MAGOHB: variants seen among roughly 807,000 people sequenced by gnomAD.
MAGOHB encodes protein mago nashi homolog 2.
A neutral mutation model predicts 20.9 loss-of-function variants in MAGOHB; 15 were observed. That is an observed-to-expected ratio of 0.72 (90% CI 0.48 to 1.11). MAGOHB has a LOEUF of 1.11. Among genes scored for constraint, MAGOHB ranks in the 50% least tolerant of loss-of-function variants. The pLI is 0.00. For synonymous variants in MAGOHB, 50 were observed against 57.9 expected (o/e 0.86, Z 0.62); for missense variants, 162 against 177.6 (o/e 0.91, Z 0.50).
downstream of MAGOHB, among the ~76,000 whole-genome samples, chr12:10,603,672 G>A (rs1008643133): frequency 3.9e-5 from 6 of 152,176 alleles, no homozygotes; most frequent in Admixed American, 3.3e-4. Context: ...ATTAGGACAA[G>A]GTAGATGCCA....
At chr12:10,602,575 G>C (rs1865563434), downstream of MAGOHB, among the ~76,000 whole-genome samples, 2 of 152,192 alleles carry the variant, frequency 1.3e-5, no homozygotes, top group Admixed American at 1.3e-4. Flanking sequence ...ATCACATCCA[G>C]TTAATAAAAC....
Position 10,611,747 on chromosome 12 carries a change from CAAAAAAAAAAAAAAAA to C in MAGOHB, c.95-1083_95-1068del, listed in dbSNP as rs1042294332. 3.6e-4 allele frequency among the ~76,000 whole-genome samples: 10 copies of C among 27,696 alleles called. No individual in the cohort carries two copies. In the Admixed American group the frequency reaches 4.2e-3, roughly 12 times the overall value. The allele number at this position is 27,696 out of a possible 152,430, so 18.2% of individuals were successfully genotyped here. A position where few individuals can be genotyped will look rare whatever the true frequency, so the allele number is the denominator to read the frequency against. The stretch of plus-strand genomic sequence containing the variant: ...TGGACGACAGAGCAAGACTCTGTCT[CAAAAAAAAAAAAAAAA>C]AAAAAAAAAAAAGAAAAGAAACGCG... On this transcript the variant is annotated intron_variant, in intron 1 of 4. Coordinates refer to ENST00000320756, the MANE Select transcript of MAGOHB (RefSeq NM_018048.5).
chr12:10,601,256 T>A (rs1277590051), downstream of MAGOHB, among the ~76,000 whole-genome samples: 2 of 146,538 alleles, frequency 1.4e-5, no homozygotes, highest in African/African-American at 5.1e-5. Flanking sequence ...CTTGTGCATA[T>A]AACCATATTA....
chr12:10,613,421 C>A lies in MAGOHB; in HGVS notation c.94+18G>T, dbSNP rs762585965. 2.5e-6 allele frequency: 4 copies of A among 1,611,816 alleles called. No individual in the cohort carries two copies. The East Asian group carries it at 8.9e-5, about 36-fold the overall frequency. ...CGCTCCCCTTTCCCAGCACCGCGTG[C>A]CGTGGGCCTCTTCTCACCGTCCGGC... On this transcript the variant is annotated intron_variant, in intron 1 of 4. Coordinates refer to ENST00000320756, the MANE Select transcript of MAGOHB (RefSeq NM_018048.5).
downstream of MAGOHB, among the ~76,000 whole-genome samples, chr12:10,603,431 A>G (rs890824110): frequency 1.3e-5 from 2 of 151,790 alleles, no homozygotes; most frequent in Admixed American, 1.3e-4. Flanking sequence ...TTTAACATAC[A>G]TTGTCCCAAC....
chr12:10,608,528 C>G (rs1865668621), intron 3 of MAGOHB: 1 of 146,714 alleles, frequency 6.8e-6, no homozygotes, highest in African/African-American at 2.5e-5. Flanking sequence ...AATGATGGTA[C>G]TTATATTTGA....
chr12:10,611,253 C>T (rs1865728917), intron 1 of MAGOHB, among the ~76,000 whole-genome samples: 1 of 152,106 alleles, frequency 6.6e-6, no homozygotes. Context: ...ATAATGCAGA[C>T]ATTTTAGAAT....
intron 1 of MAGOHB, chr12:10,612,671 A>C (rs1358657996): frequency 1.7e-6 from 2 of 1,157,916 alleles, no homozygotes; most frequent in African/African-American, 3.2e-5. Context: ...GTTGTCCAGC[A>C]CAAAACGTGC....
At chr12:10,608,044 C>A (rs1028255245) in intron 3 of MAGOHB, 108 bp from the exon 4 acceptor site, 2 of 625,326 alleles carry the variant, frequency 3.2e-6, no homozygotes, top group Non-Finnish European at 5.5e-6. Flanking sequence ...TTCTAGCAGC[C>A]AACAGAGGGA....
chr12:10,611,798 G>A (rs1414932910), intron 1 of MAGOHB, among the ~76,000 whole-genome samples: 4 of 147,864 alleles, frequency 2.7e-5, no homozygotes, highest in African/African-American at 9.9e-5. Context: ...GTCTTCGGGA[G>A]GCTCAATATC....
At chr12:10,611,282 A>G (rs779831611) in intron 1 of MAGOHB, among the ~76,000 whole-genome samples, 2 of 152,220 alleles carry the variant, frequency 1.3e-5, no homozygotes, top group Non-Finnish European at 2.9e-5. Flanking sequence ...GGAAGCATAC[A>G]AACGATGCTT....
At chr12:10,610,777 C>T in intron 1 of MAGOHB, 97 bp from the exon 2 acceptor site, 1 of 1,085,612 alleles carries the variant, frequency 9.2e-7, no homozygotes, top group Non-Finnish European at 1.3e-6. Context: ...TTTTATACTA[C>T]TATTTTTATT....
chr12:10,611,322 A>T (rs146608581), intron 1 of MAGOHB, among the ~76,000 whole-genome samples: 124 of 152,322 alleles, frequency 8.1e-4, no homozygotes, highest in African/African-American at 2.7e-3. Flanking sequence ...TTTGTTAGCT[A>T]GTTTATATTT....
At chr12:10,603,973 A>G (rs1014935906), downstream of MAGOHB, among the ~76,000 whole-genome samples, 7 of 152,358 alleles carry the variant, frequency 4.6e-5, no homozygotes, top group Middle Eastern at 6.8e-3. Context: ...TAATATTTAC[A>G]TTAAAAATAT....
chr12:10,609,871 T>C lies in MAGOHB; in HGVS notation c.224A>G (p.Asp75Gly). ...ATCAGGGGGAGGCCACAAAGCATCA[T>C]CTTCTTTTGTAATTTCACTGTCATC... The part of the protein sequence containing the change: ...IIDDSEITKE[D>G]DALWPPPDRV... Residue 75 changes from aspartate to glycine, a missense_variant, in exon 3 of 5, where the codon GAT becomes GGT. By Grantham distance (94) the Asp-to-Gly change is moderately conservative. Coordinates refer to ENST00000320756, the MANE Select transcript of MAGOHB (RefSeq NM_018048.5). The C allele has an allele frequency of 1.2e-6, 2 of 1,613,358 alleles. No individual in the cohort carries two copies. Among genetic ancestry groups the C allele is most frequent in the Non-Finnish European group, 1.7e-6 (2 of 1,179,608 alleles).
chr12:10,603,648 A>G (rs1865577308), downstream of MAGOHB, among the ~76,000 whole-genome samples: 1 of 152,200 alleles, frequency 6.6e-6, no homozygotes, highest in South Asian at 2.1e-4. Context: ...TCTCCACCAC[A>G]TCACACAGTT....
chr12:10,612,985 T>C (rs1489134814), intron 1 of MAGOHB: 2 of 1,273,038 alleles, frequency 1.6e-6, no homozygotes, highest in East Asian at 5.6e-5. Context: ...CGTCCTATGG[T>C]GAACAATTAC....
chr12:10,610,709 T>C, intron 1 of MAGOHB, 29 bp from the exon 2 acceptor site: 1 of 1,561,912 alleles, frequency 6.4e-7, no homozygotes, highest in Non-Finnish European at 8.6e-7. Flanking sequence ...AATCAATTTA[T>C]AATAGCAAAA....
rs376930356 is a variant in MAGOHB, at chr12:10,608,064, G to C, written c.265-128C>G. ...GCAGCCAACAGAGGGAGTGGGGGGC[G>C]AGGGGGAAAGAAACATGGTTTCTTA... On this transcript the variant is annotated intron_variant, in intron 3 of 4. Coordinates refer to ENST00000320756, the MANE Select transcript of MAGOHB (RefSeq NM_018048.5). 4 of 575,888 alleles carry C rather than the reference G, an allele frequency of 6.9e-6. No homozygotes were observed. The Admixed American group carries it at 1.4e-4, about 21-fold the overall frequency. The allele number at this position is 575,888 out of a possible 1,614,324, so 35.7% of individuals were successfully genotyped here.
Sources: gnomAD v4.1 joint callset for allele counts (sites outside exome capture counted in the v4.1 genomes callset) on GRCh38, gnomAD v4.1.1 for gene constraint, MANE v1.5 for transcripts, NCBI Gene and HGNC (gene_info 2026-07-23, HGNC 2026-07-21) for gene names.